Variants in DRC11 observed in about 807,000 individuals in gnomAD.
DRC11 encodes IQ and AAA domain-containing protein 1.
chr2:236,322,229 C>CTTTTTTTTTTTTTT, the DRC11 span, among the ~76,000 whole-genome samples: 1 of 98,542 alleles, frequency 1.0e-5, no homozygotes, highest in African/African-American at 4.2e-5. Flanking sequence ...TTTCTTTCCT[C>CTTTTTTTTTTTTTT]TTTTTTTTTT....
At chr2:236,424,023 G>C in the DRC11 span, among the ~76,000 whole-genome samples, 1 of 142,806 alleles carries the variant, frequency 7.0e-6, no homozygotes, top group Non-Finnish European at 1.5e-5. Context: ...GACACAGGAA[G>C]GGGAACATCA....
chr2:236,428,992 A>G, the DRC11 span, among the ~76,000 whole-genome samples: 11 of 152,222 alleles, frequency 7.2e-5, no homozygotes, highest in Admixed American at 3.3e-4. Flanking sequence ...TGTTTCCCTG[A>G]TTCTTCATAT....
chr2:236,417,576 ATTACT>A, the DRC11 span, among the ~76,000 whole-genome samples: 13 of 146,224 alleles, frequency 8.9e-5, no homozygotes, highest in African/African-American at 3.3e-4. Flanking sequence ...TTTTTTTTAT[ATTACT>A]TTAAGTTCTG....
the DRC11 span, among the ~76,000 whole-genome samples, chr2:236,431,723 A>G: frequency 0.44 from 67,317 of 152,010 alleles, 15,390 homozygotes; most frequent in African/African-American, 0.5. The surrounding 1 kb of genome is among the most constrained non-coding windows in gnomAD (Gnocchi z 4.2). Context: ...ATGGCATAAC[A>G]CTTTAAGTTC....
the DRC11 span, among the ~76,000 whole-genome samples, chr2:236,450,309 C>CTTTTCTT: frequency 8.1e-6 from 1 of 122,852 alleles, no homozygotes; most frequent in African/African-American, 3.0e-5. Context: ...TTTTTCTTTT[C>CTTTTCTT]TTTTCTTTTT....
At chr2:236,502,309 T>C in the DRC11 span, among the ~76,000 whole-genome samples, 1 of 152,006 alleles carries the variant, frequency 6.6e-6, no homozygotes, top group South Asian at 2.1e-4. Context: ...CCAGGCGTGG[T>C]GGCTCACGCC....
chr2:236,330,215 C>T, the DRC11 span, among the ~76,000 whole-genome samples: 95 of 152,116 alleles, frequency 6.2e-4, no homozygotes, highest in African/African-American at 2.1e-3. This position sits in a 1 kb window ranked among gnomAD's most constrained non-coding sequence, Gnocchi z 5.5. Flanking sequence ...CTTGCCAGAG[C>T]GGGGGTCAGC....
chr2:236,373,449 C>T, the DRC11 span, among the ~76,000 whole-genome samples: 4 of 152,034 alleles, frequency 2.6e-5, no homozygotes, highest in African/African-American at 7.2e-5. Context: ...TGGTGTTCCT[C>T]CATGTTGGCC....
the DRC11 span, among the ~76,000 whole-genome samples, chr2:236,450,314 CTTTT>C: frequency 3.6e-5 from 3 of 82,374 alleles, no homozygotes; most frequent in Non-Finnish European, 7.0e-5. Context: ...CTTTTCTTTT[CTTTT>C]TTTTTTTTTT....
the DRC11 span, among the ~76,000 whole-genome samples, chr2:236,358,046 T>C: frequency 1.6e-3 from 195 of 119,354 alleles, 2 homozygotes; most frequent in Non-Finnish European, 2.7e-3. Context: ...ATTTATAATA[T>C]ATAGATATAT....
At chr2:236,459,644 CGT>C in the DRC11 span, among the ~76,000 whole-genome samples, 3 of 137,454 alleles carry the variant, frequency 2.2e-5, no homozygotes, top group East Asian at 6.1e-4. Context: ...TACGTATATA[CGT>C]ATATATGTAT....
At chr2:236,385,054 G>T in the DRC11 span, among the ~76,000 whole-genome samples, 1 of 151,848 alleles carries the variant, frequency 6.6e-6, no homozygotes, top group Non-Finnish European at 1.5e-5. Flanking sequence ...TGCTGTTTTG[G>T]TTACTGTAGC....
chr2:236,396,112 T>G, the DRC11 span, among the ~76,000 whole-genome samples: 1 of 152,080 alleles, frequency 6.6e-6, no homozygotes, highest in East Asian at 1.9e-4. Flanking sequence ...CTCATGACAC[T>G]TTTGCGCAGG....
the DRC11 span, among the ~76,000 whole-genome samples, chr2:236,416,743 A>ATTTTTT: frequency 8.9e-5 from 5 of 56,424 alleles, no homozygotes; most frequent in Non-Finnish European, 1.8e-4. Flanking sequence ...ATATATATAT[A>ATTTTTT]TATATATATA....
the DRC11 span, among the ~76,000 whole-genome samples, chr2:236,498,220 C>T: frequency 6.6e-6 from 1 of 151,544 alleles, no homozygotes; most frequent in Non-Finnish European, 1.5e-5. Flanking sequence ...GTAATCCCAG[C>T]ACTTTGGGAG....
chr2:236,455,444 C>T, the DRC11 span, among the ~76,000 whole-genome samples: 8 of 152,156 alleles, frequency 5.3e-5, no homozygotes, highest in East Asian at 1.9e-4. This position sits in a 1 kb window ranked among gnomAD's most constrained non-coding sequence, Gnocchi z 5.7. Flanking sequence ...CTTTTAAAGT[C>T]GTGACTAGTG....
the DRC11 span, among the ~76,000 whole-genome samples, chr2:236,326,279 T>C: frequency 2.0e-5 from 3 of 152,254 alleles, no homozygotes; most frequent in African/African-American, 4.8e-5. Context: ...GTTCCTCTGA[T>C]ACTTACTGTA....
At chr2:236,325,735 T>C in the DRC11 span, among the ~76,000 whole-genome samples, 5 of 152,168 alleles carry the variant, frequency 3.3e-5, no homozygotes, top group African/African-American at 1.2e-4. This position sits in a 1 kb window ranked among gnomAD's most constrained non-coding sequence, Gnocchi z 4.4. Context: ...CCGGAGTAGC[T>C]GGGATTACAG....
At chr2:236,429,975 G>T in the DRC11 span, among the ~76,000 whole-genome samples, 1 of 152,230 alleles carries the variant, frequency 6.6e-6, no homozygotes, top group African/African-American at 2.4e-5. The surrounding 1 kb of genome is among the most constrained non-coding windows in gnomAD (Gnocchi z 5.9). Flanking sequence ...GGGGTCCTCT[G>T]TGGTGAAAGC....
Sources: gnomAD v4.1 joint callset for allele counts (sites outside exome capture counted in the v4.1 genomes callset) on GRCh38, gnomAD v4.1.1 for gene constraint, Gnocchi (gnomAD v3.1) non-coding constraint, MANE v1.5 for transcripts, NCBI Gene and HGNC (gene_info 2026-07-23, HGNC 2026-07-21) for gene names.